The following NMBR variants were observed in gnomAD, a reference collection of about 807,000 sequenced individuals.
The protein encoded by NMBR is neuromedin-B receptor.
Under a neutral mutation model 20.5 loss-of-function variants are expected in NMBR, and 16 were observed. The observed-to-expected ratio is 0.78, with a 90% CI of 0.53 to 1.19. The LOEUF is 1.19. NMBR is among the 50% of genes most tolerant of loss of function. The pLI, the probability that NMBR is intolerant of heterozygous loss-of-function variation, is 0.00. For missense variants in NMBR, 582 were observed against 499.1 expected (o/e 1.17, Z -1.58); for synonymous variants, 212 against 196.6 (o/e 1.08, Z -0.65).
Position 142,147,065 on chromosome 6 carries a change from T to C in NMBR, c.-685A>G, listed in dbSNP as rs749473364. On this transcript the variant is annotated 5_prime_UTR_variant, in exon 1 of 4. The change abolishes an upstream ATG in the 5' untranslated region. Transcript: ENST00000258042. ...CTACCAGCAGAGAGCGCTAGCGCCA[T>C]GCGCGGCATAAGCGCCAAAATGCTC... The C allele has an allele frequency of 7.1e-6, 4 of 563,264 alleles. No individual in the cohort carries two copies. Among genetic ancestry groups the C allele is most frequent in the South Asian group, 6.9e-5 (3 of 43,254 alleles). The allele number at this position is 563,264 out of a possible 1,614,324, so 34.9% of individuals were successfully genotyped here. A position where few individuals can be genotyped will look rare whatever the true frequency, so the allele number is the denominator to read the frequency against.
At chr6:142,109,256 G>A (rs1777716448) in intron 1 of NMBR, among the ~76,000 whole-genome samples, 2 of 152,072 alleles carry the variant, frequency 1.3e-5, no homozygotes, top group Admixed American at 6.5e-5. Flanking sequence ...TACCCCACCG[G>A]GGACTCTGTG....
At chr6:142,138,787 G>A (rs933269554) in intron 1 of NMBR, among the ~76,000 whole-genome samples, 1 of 152,116 alleles carries the variant, frequency 6.6e-6, no homozygotes, top group African/African-American at 2.4e-5. Flanking sequence ...TTTATTGAAT[G>A]TCAGGCATTG....
intron 1 of NMBR, among the ~76,000 whole-genome samples, chr6:142,136,590 T>C (rs1778261677): frequency 6.6e-6 from 1 of 152,130 alleles, no homozygotes; most frequent in African/African-American, 2.4e-5. Flanking sequence ...TCCTGAATGG[T>C]AATGCCTAGG....
At chr6:142,130,416 G>T (rs542272949) in intron 1 of NMBR, among the ~76,000 whole-genome samples, 4 of 151,874 alleles carry the variant, frequency 2.6e-5, no homozygotes, top group African/African-American at 4.8e-5. Flanking sequence ...CCTTTGATTA[G>T]ACTTTTTAAA....
intron 1 of NMBR, among the ~76,000 whole-genome samples, chr6:142,137,707 G>T (rs935382771): frequency 6.6e-6 from 1 of 152,060 alleles, no homozygotes; most frequent in African/African-American, 2.4e-5. Flanking sequence ...AGCATGAAGC[G>T]TTGTTGAATT....
chr6:142,107,581 A>T (rs1777683771), intron 1 of NMBR, among the ~76,000 whole-genome samples: 1 of 152,190 alleles, frequency 6.6e-6, no homozygotes, highest in South Asian at 2.1e-4. Context: ...GAAATGGTAC[A>T]CCTTGTTACT....
chr6:142,117,163 G>A (rs527464743), intron 1 of NMBR, among the ~76,000 whole-genome samples: 72 of 151,976 alleles, frequency 4.7e-4, no homozygotes, highest in African/African-American at 1.7e-3. Context: ...ACCTTGAAAA[G>A]TATATAGCCC....
At chr6:142,104,132 C>T (rs1777614363) in intron 1 of NMBR, among the ~76,000 whole-genome samples, 1 of 152,130 alleles carries the variant, frequency 6.6e-6, no homozygotes, top group Non-Finnish European at 1.5e-5. Flanking sequence ...CCTGTCCTTG[C>T]CTCCCAAAAT....
intron 1 of NMBR, among the ~76,000 whole-genome samples, chr6:142,140,891 T>C (rs1296431602): frequency 6.6e-6 from 1 of 152,138 alleles, no homozygotes; most frequent in African/African-American, 2.4e-5. Flanking sequence ...AGCATAATAG[T>C]TGTAATATGT....
chr6:142,120,739 T>C (rs965204613), intron 1 of NMBR, among the ~76,000 whole-genome samples: 4 of 151,922 alleles, frequency 2.6e-5, no homozygotes, highest in Non-Finnish European at 5.9e-5. Context: ...ACCTTACAAA[T>C]ACTTAAATAA....
At chr6:142,079,026 G>GAGAA (rs926565247) in intron 2 of NMBR, 123 bp from the exon 3 acceptor site, 16 of 525,820 alleles carry the variant, frequency 3.0e-5, no homozygotes, top group African/African-American at 2.1e-4. Context: ...GGGAGAGAGA[G>GAGAA]AGAAAGAAAG....
intron 1 of NMBR, among the ~76,000 whole-genome samples, chr6:142,136,243 C>T (rs931149237): frequency 2.6e-5 from 4 of 152,150 alleles, no homozygotes; most frequent in African/African-American, 9.7e-5. Context: ...TCTCTGATGG[C>T]CAGTGATGAT....
At chr6:142,129,571 T>C (rs183874269) in intron 1 of NMBR, among the ~76,000 whole-genome samples, 52 of 152,008 alleles carry the variant, frequency 3.4e-4, no homozygotes, top group Non-Finnish European at 6.6e-4. Flanking sequence ...ATTTTCCAAG[T>C]AGAGACAGAG....
intron 1 of NMBR, among the ~76,000 whole-genome samples, chr6:142,110,435 A>T (rs1228330311): frequency 6.6e-6 from 1 of 152,224 alleles, no homozygotes; most frequent in Non-Finnish European, 1.5e-5. Flanking sequence ...TCTTGAGAGT[A>T]TTATGCTAAG....
intron 1 of NMBR, among the ~76,000 whole-genome samples, chr6:142,127,818 GA>G (rs1298482695): frequency 6.6e-6 from 1 of 151,864 alleles, no homozygotes; most frequent in Non-Finnish European, 1.5e-5. Flanking sequence ...ATATGTCACT[GA>G]TTTTTGTGTG....
At chr6:142,102,965 C>T (rs911050514) in intron 1 of NMBR, among the ~76,000 whole-genome samples, 1 of 152,182 alleles carries the variant, frequency 6.6e-6, no homozygotes, top group African/African-American at 2.4e-5. Context: ...TGGGGAAGAG[C>T]TGTCCATATC....
intron 2 of NMBR, among the ~76,000 whole-genome samples, chr6:142,083,372 A>C (rs1486047552): frequency 1.3e-5 from 2 of 152,224 alleles, no homozygotes; most frequent in Admixed American, 6.5e-5. Flanking sequence ...ACATTTTGTG[A>C]AAGTATGGGT....
chr6:142,126,474 G>C (rs1278386055), intron 1 of NMBR, among the ~76,000 whole-genome samples: 5 of 151,744 alleles, frequency 3.3e-5, no homozygotes. Context: ...TTAATTTTTT[G>C]AGGAATCTCC....
intron 2 of NMBR, among the ~76,000 whole-genome samples, 197 bp downstream of exon 2, chr6:142,088,040 T>C (rs942356274): frequency 6.6e-5 from 10 of 152,178 alleles, no homozygotes; most frequent in Admixed American, 6.5e-4. Flanking sequence ...TTTTCTTATA[T>C]TTTTCCAAGC....
Sources: gnomAD v4.1 joint callset for allele counts (sites outside exome capture counted in the v4.1 genomes callset) on GRCh38, gnomAD v4.1.1 for gene constraint, MANE v1.5 for transcripts, NCBI Gene and HGNC (gene_info 2026-07-23, HGNC 2026-07-21) for gene names.